GALNTL6: variants seen among roughly 807,000 people sequenced by gnomAD.
GALNTL6 encodes the protein polypeptide N-acetylgalactosaminyltransferase-like 6.
Under a neutral mutation model 73.7 loss-of-function variants are expected in GALNTL6, and 46 were observed. That is an observed-to-expected ratio of 0.62 (90% CI 0.49 to 0.80). The LOEUF (loss-of-function observed/expected upper bound fraction) is 0.80, where lower values mean the gene tolerates loss of function less well. Among genes scored for constraint, GALNTL6 ranks in the 30% least tolerant of loss-of-function variants. The pLI, the probability that GALNTL6 is intolerant of heterozygous loss-of-function variation, is 0.00. For missense variants in GALNTL6, 604 were observed against 755.0 expected, an observed-to-expected ratio of 0.80 and a Z score of 2.34; for synonymous variants, 259 against 263.7, an observed-to-expected ratio of 0.98 and a Z score of 0.17.
chr4:172,243,583 G>T (rs1737524138), intron 3 of GALNTL6, among the ~76,000 whole-genome samples: 2 of 152,108 alleles, frequency 1.3e-5, no homozygotes, highest in Non-Finnish European at 2.9e-5. Flanking sequence ...CTCTTTTGGA[G>T]ATTGCTTCTC....
At chr4:172,280,655 A>G (rs1296274307) in intron 3 of GALNTL6, among the ~76,000 whole-genome samples, 1 of 152,070 alleles carries the variant, frequency 6.6e-6, no homozygotes, top group South Asian at 2.1e-4. Context: ...AGATCAAAAT[A>G]CTTTATAATC....
intron 5 of GALNTL6, among the ~76,000 whole-genome samples, chr4:172,487,412 G>C (rs1249143204): frequency 8.9e-6 from 1 of 111,990 alleles, no homozygotes. Context: ...TTTCTTTCTT[G>C]TCTCACTCTG....
chr4:172,756,286 T>TA (rs1433980643), intron 5 of GALNTL6, among the ~76,000 whole-genome samples: 1 of 152,100 alleles, frequency 6.6e-6, no homozygotes, highest in Non-Finnish European at 1.5e-5. Flanking sequence ...AATATGCAAT[T>TA]AAAAAAATAA....
intron 2 of GALNTL6, among the ~76,000 whole-genome samples, chr4:172,009,759 C>A (rs558576642): frequency 1.3e-5 from 2 of 151,986 alleles, no homozygotes; most frequent in South Asian, 4.1e-4. Flanking sequence ...CTTATTTTCC[C>A]AGTCTCTGTG....
intron 5 of GALNTL6, among the ~76,000 whole-genome samples, chr4:172,531,099 A>G (rs1242712489): frequency 6.6e-6 from 1 of 152,168 alleles, no homozygotes; most frequent in Non-Finnish European, 1.5e-5. Flanking sequence ...ATACTGGAAG[A>G]GCCCAGAAAT....
chr4:172,758,237 T>C (rs1737863473), intron 5 of GALNTL6, among the ~76,000 whole-genome samples: 1 of 152,220 alleles, frequency 6.6e-6, no homozygotes, highest in African/African-American at 2.4e-5. Context: ...ATTTTTTGTA[T>C]AGTAATTTTC....
At chr4:172,095,122 A>G (rs1467774014) in intron 2 of GALNTL6, among the ~76,000 whole-genome samples, 1 of 152,090 alleles carries the variant, frequency 6.6e-6, no homozygotes, top group Non-Finnish European at 1.5e-5. Context: ...GGGAGGGTCC[A>G]AAAAGAAGAA....
intron 10 of GALNTL6, among the ~76,000 whole-genome samples, chr4:172,984,624 G>A (rs571554762): frequency 6.6e-6 from 1 of 152,254 alleles, no homozygotes; most frequent in East Asian, 1.9e-4. Flanking sequence ...AGGAGGGAGG[G>A]GGCGAGGACG....
intron 4 of GALNTL6, among the ~76,000 whole-genome samples, chr4:172,347,624 C>A (rs536621790): frequency 4.6e-5 from 7 of 152,118 alleles, no homozygotes; most frequent in Non-Finnish European, 8.8e-5. Flanking sequence ...ACTACACTCC[C>A]ATGGAAATTA....
intron 12 of GALNTL6, among the ~76,000 whole-genome samples, chr4:173,023,583 G>A (rs1753105919): frequency 6.6e-6 from 1 of 152,064 alleles, no homozygotes. Context: ...CCTGATCCTG[G>A]GAGGCAGAAG....
intron 2 of GALNTL6, among the ~76,000 whole-genome samples, chr4:171,945,009 T>A (rs1560852873): frequency 1.3e-5 from 2 of 152,036 alleles, no homozygotes; most frequent in Admixed American, 1.3e-4. Flanking sequence ...GGCAGGACAA[T>A]GTTTGCTGAA....
chr4:172,035,284 T>A (rs139176651), intron 2 of GALNTL6, among the ~76,000 whole-genome samples: 1 of 151,884 alleles, frequency 6.6e-6, no homozygotes, highest in African/African-American at 2.4e-5. Flanking sequence ...TGAAGAAAAA[T>A]GTAGGCAGGA....
At chr4:172,121,607 T>C (rs1012645079) in intron 2 of GALNTL6, among the ~76,000 whole-genome samples, 1 of 152,170 alleles carries the variant, frequency 6.6e-6, no homozygotes, top group East Asian at 1.9e-4. Context: ...GAGACAGTAA[T>C]TGATGAGTAA....
chr4:172,633,146 G>T (rs1739487257), intron 5 of GALNTL6, among the ~76,000 whole-genome samples: 1 of 152,178 alleles, frequency 6.6e-6, no homozygotes, highest in African/African-American at 2.4e-5. Flanking sequence ...AGTCCCCACT[G>T]AAGAACTGCC....
chr4:172,396,148 C>T (rs1458769395), intron 5 of GALNTL6, among the ~76,000 whole-genome samples: 2 of 152,060 alleles, frequency 1.3e-5, no homozygotes, highest in Non-Finnish European at 2.9e-5. Context: ...CTTATAATAA[C>T]TATAAAACAC....
intron 5 of GALNTL6, among the ~76,000 whole-genome samples, chr4:172,790,115 C>T (rs561521774): frequency 6.6e-6 from 1 of 152,296 alleles, no homozygotes; most frequent in South Asian, 2.1e-4. Context: ...TGAACAGAAG[C>T]CTGGAGACAG....
intron 2 of GALNTL6, among the ~76,000 whole-genome samples, chr4:172,207,064 C>A (rs147127783): frequency 7.1e-4 from 108 of 151,390 alleles, no homozygotes; most frequent in Non-Finnish European, 1.1e-3. Flanking sequence ...TGATCCGCCC[C>A]CCTTGGCCTC....
intron 5 of GALNTL6, among the ~76,000 whole-genome samples, chr4:172,569,248 T>C (rs973409188): frequency 2.0e-5 from 3 of 152,130 alleles, no homozygotes; most frequent in Non-Finnish European, 2.9e-5. Context: ...TCCTGGTTCA[T>C]AGACAGCTGT....
intron 2 of GALNTL6, among the ~76,000 whole-genome samples, chr4:171,874,464 A>C (rs1188716249): frequency 6.6e-6 from 1 of 152,178 alleles, no homozygotes; most frequent in Non-Finnish European, 1.5e-5. Flanking sequence ...TGCTGGGATT[A>C]CAGGCATGAG....
Sources: allele counts gnomAD v4.1 joint callset (sites outside exome capture counted in the v4.1 genomes callset), GRCh38; gene constraint gnomAD v4.1.1; transcripts MANE v1.5; gene names NCBI Gene and HGNC (gene_info 2026-07-23, HGNC 2026-07-21).